NRG2: variants seen among roughly 807,000 people sequenced by gnomAD.
The protein encoded by NRG2 is pro-neuregulin-2, membrane-bound isoform.
Under a neutral mutation model 73.9 loss-of-function variants are expected in NRG2, and 27 were observed. The observed-to-expected ratio is 0.37, with a 90% CI of 0.27 to 0.50. NRG2 has a LOEUF of 0.50. Ranked by LOEUF, NRG2 falls within the 20% of genes least tolerant of loss-of-function variation. The pLI is 0.96. For synonymous variants in NRG2, 532 were observed against 541.0 expected (o/e 0.98, Z 0.23); for missense variants, 1,126 against 1,210.1 (o/e 0.93, Z 1.03).
At chr5:140,001,707 A>G (rs1758496666) in intron 1 of NRG2, among the ~76,000 whole-genome samples, 1 of 151,780 alleles carries the variant, frequency 6.6e-6, no homozygotes, top group Non-Finnish European at 1.5e-5. Context: ...ACCAAAAAAA[A>G]AAAAAAATGG....
chr5:139,939,060 G>A (rs1360094084), intron 1 of NRG2, among the ~76,000 whole-genome samples: 1 of 151,240 alleles, frequency 6.6e-6, no homozygotes, highest in African/African-American at 2.4e-5. Context: ...AAGGAAGGAA[G>A]GAAGGGAGAA....
At chr5:139,854,315 C>T (rs762652955) in intron 6 of NRG2, among the ~76,000 whole-genome samples, 7 of 152,246 alleles carry the variant, frequency 4.6e-5, no homozygotes, top group Non-Finnish European at 7.3e-5. Flanking sequence ...CCTCTCAGGC[C>T]CTGGCCTAAA....
At chr5:139,969,355 T>G (rs1249139625) in intron 1 of NRG2, among the ~76,000 whole-genome samples, 1 of 152,216 alleles carries the variant, frequency 6.6e-6, no homozygotes, top group Non-Finnish European at 1.5e-5. Flanking sequence ...ATTTATTTTG[T>G]GTAGCTCAGA....
At chr5:139,883,430 G>A (rs1763668228) in intron 2 of NRG2, among the ~76,000 whole-genome samples, 2 of 152,002 alleles carry the variant, frequency 1.3e-5, no homozygotes, top group Middle Eastern at 3.2e-3. Context: ...ATTTGGGGGG[G>A]CAGTTTGCTC....
Position 139,853,312 on chromosome 5 carries a change from TC to T in NRG2, c.1293-286del, listed in dbSNP as rs1352122685. 6.6e-6 allele frequency among the ~76,000 whole-genome samples: 1 copy of T among 152,218 alleles called. No individual in the cohort carries two copies. The highest frequency in any genetic ancestry group is 1.5e-5 in the Non-Finnish European group (1 of 68,042). On this transcript the variant is annotated intron_variant, in intron 6 of 9. Transcript: ENST00000361474. The surrounding 1 kb of genome is among the most constrained non-coding windows in gnomAD (Gnocchi z 4.1). ...TTAAGCTCTTCACGTTTCACTTTCCTCATCTATAAGACAGGGTGATCATTTA... is the reference window on the plus strand; with the variant it reads ...TTAAGCTCTTCACGTTTCACTTTCCTATCTATAAGACAGGGTGATCATTTA...
intron 1 of NRG2, among the ~76,000 whole-genome samples, chr5:139,908,995 C>T (rs753032617): frequency 6.6e-6 from 1 of 152,230 alleles, no homozygotes; most frequent in East Asian, 1.9e-4. Context: ...GCCATGGGAA[C>T]TCTTTCCTCT....
At chr5:139,933,332 T>G (rs1752620000) in intron 1 of NRG2, among the ~76,000 whole-genome samples, 2 of 150,314 alleles carry the variant, frequency 1.3e-5, no homozygotes, top group South Asian at 4.2e-4. Context: ...CTTTAAATAC[T>G]AAGATACAAA....
intron 1 of NRG2, among the ~76,000 whole-genome samples, chr5:139,939,351 T>C (rs1397633102): frequency 2.6e-5 from 4 of 151,848 alleles, no homozygotes; most frequent in Non-Finnish European, 5.9e-5. Flanking sequence ...CTCAGCTCAC[T>C]GCAACCTCTG....
At chr5:140,021,571 A>G (rs553521637) in intron 1 of NRG2, among the ~76,000 whole-genome samples, 1 of 152,348 alleles carries the variant, frequency 6.6e-6, no homozygotes, top group Non-Finnish European at 1.5e-5. Context: ...CAAAGCACTC[A>G]GGATTCAATA....
chr5:139,884,732 A>G (rs992522368), intron 2 of NRG2, among the ~76,000 whole-genome samples: 2 of 152,216 alleles, frequency 1.3e-5, no homozygotes, highest in African/African-American at 4.8e-5. Flanking sequence ...TTGTTCACTG[A>G]CATATCTTGA....
At chr5:139,866,890 G>A (rs539477992) in intron 4 of NRG2, among the ~76,000 whole-genome samples, 2 of 152,222 alleles carry the variant, frequency 1.3e-5, no homozygotes, top group South Asian at 2.1e-4. Flanking sequence ...TCTGAACCCC[G>A]GCAAGGCTGG....
intron 1 of NRG2, among the ~76,000 whole-genome samples, chr5:140,027,048 A>C (rs1419696235): frequency 6.6e-6 from 1 of 152,070 alleles, no homozygotes; most frequent in Non-Finnish European, 1.5e-5. Context: ...TGGTGCAATC[A>C]CAGCTCACTG....
chr5:140,040,197 G>A lies in NRG2; in HGVS notation c.700+2173C>T, dbSNP rs1163572725. Among the ~76,000 whole-genome samples, 6 of 151,856 alleles carry A rather than the reference G, an allele frequency of 4.0e-5. No homozygotes were observed. The East Asian group carries it at 7.7e-4, about 20-fold the overall frequency. On this transcript the variant is annotated intron_variant, in intron 1 of 9. Coordinates refer to ENST00000361474, the MANE Select transcript of NRG2 (RefSeq NM_004883.3). ...GGTACCTATTTATATACTTCCCTTTGAATATCAATTCAAAGCAATTTTTTT... is the reference window on the plus strand; with the variant it reads ...GGTACCTATTTATATACTTCCCTTTAAATATCAATTCAAAGCAATTTTTTT...
intron 1 of NRG2, among the ~76,000 whole-genome samples, chr5:139,998,558 G>C (rs917748012): frequency 2.0e-5 from 3 of 152,160 alleles, no homozygotes; most frequent in Non-Finnish European, 4.4e-5. Flanking sequence ...GCCTTCTACT[G>C]TTCTCATTCC....
chr5:139,990,006 T>G (rs1226116578), intron 1 of NRG2, among the ~76,000 whole-genome samples: 1 of 151,426 alleles, frequency 6.6e-6, no homozygotes, highest in Non-Finnish European at 1.5e-5. Flanking sequence ...GCCAGGATGG[T>G]CTTGATCTCC....
rs73791206 is a variant in NRG2 at position 139,853,208 on chromosome 5, C to T, written c.1293-181G>A. Among the ~76,000 whole-genome samples, 2,401 of 152,288 alleles carry T rather than the reference C, an allele frequency of 0.016. 50 individuals are homozygous for T. Among genetic ancestry groups the T allele is most frequent in the African/African-American group, 0.054 (2,245 of 41,544 alleles). ...CCACCTGAATCCAATAGGACCTGAGCGTCGTGGCAGTGAGCTCTGGCTCTG... is the reference window on the plus strand; with the variant it reads ...CCACCTGAATCCAATAGGACCTGAGTGTCGTGGCAGTGAGCTCTGGCTCTG... On this transcript the variant is annotated intron_variant, in intron 6 of 9. Coordinates refer to ENST00000361474, the MANE Select transcript of NRG2 (RefSeq NM_004883.3). The surrounding 1 kb of genome is among the most constrained non-coding windows in gnomAD (Gnocchi z 4.1).
chr5:139,865,494 T>G lies in NRG2; in HGVS notation c.1189+55A>C, dbSNP rs761683398. ...GCCCTATGCCCTACATTGGGGGGAC[T>G]GCACCCAGAAGCTTTCTAAGGAGCA... is the stretch of plus-strand genomic sequence containing the variant. On this transcript the variant is annotated intron_variant, in intron 5 of 9. Coordinates refer to ENST00000361474, the MANE Select transcript of NRG2 (RefSeq NM_004883.3). The surrounding 1 kb of genome is among the most constrained non-coding windows in gnomAD (Gnocchi z 5.2). 24 of 1,402,366 alleles carry G rather than the reference T, an allele frequency of 1.7e-5. No homozygotes were observed. Among genetic ancestry groups the G allele is most frequent in the Non-Finnish European group, 2.4e-5 (24 of 992,830 alleles). The allele number at this position is 1,402,366 out of a possible 1,614,324, so 86.9% of individuals were successfully genotyped here.
chr5:140,043,269 C>G lies in NRG2; in HGVS notation c.-200G>C, dbSNP rs1762116194. Reference sequence around the variant, plus strand: ...CGCAGCGCGGCGCAGCGCAGCGCTCCCACCCTGTGCGCCAGGACCTGGAGG... The same window carrying G: ...CGCAGCGCGGCGCAGCGCAGCGCTCGCACCCTGTGCGCCAGGACCTGGAGG... On this transcript the variant is annotated 5_prime_UTR_variant, in exon 1 of 10. Coordinates refer to ENST00000361474, the MANE Select transcript of NRG2 (RefSeq NM_004883.3). The surrounding 1 kb of genome is among the most constrained non-coding windows in gnomAD (Gnocchi z 6.7). 3.5e-6 allele frequency: 2 copies of G among 576,670 alleles called. No individual in the cohort carries two copies. The highest frequency in any genetic ancestry group is 3.4e-5 in the Admixed American group (1 of 29,286). The allele number at this position is 576,670 out of a possible 1,614,324, so 35.7% of individuals were successfully genotyped here.
chr5:140,016,292 C>T (rs1241437112), intron 1 of NRG2, among the ~76,000 whole-genome samples: 1 of 152,208 alleles, frequency 6.6e-6, no homozygotes, highest in African/African-American at 2.4e-5. Context: ...AATGATTTCA[C>T]TCTCAGGGCC....
Sources: allele counts gnomAD v4.1 joint callset (sites outside exome capture counted in the v4.1 genomes callset), GRCh38; gene constraint gnomAD v4.1.1; non-coding constraint Gnocchi (gnomAD v3.1); transcripts MANE v1.5; gene names NCBI Gene and HGNC (gene_info 2026-07-23, HGNC 2026-07-21).